The following TMEM161B variants were observed in gnomAD, a reference collection of about 807,000 sequenced individuals.
TMEM161B encodes transmembrane protein 161B.
A neutral mutation model predicts 61.8 loss-of-function variants in TMEM161B; 34 were observed. That is an observed-to-expected ratio of 0.55 (90% confidence interval 0.42 to 0.73). The LOEUF (loss-of-function observed/expected upper bound fraction) is 0.73. Among genes scored for constraint, TMEM161B ranks in the 30% least tolerant of loss-of-function variants. TMEM161B has a pLI of 0.00. For synonymous variants in TMEM161B, 167 were observed against 192.8 expected, an observed-to-expected ratio of 0.87 and a Z score of 1.11; for missense variants, 456 against 558.5, an observed-to-expected ratio of 0.82 and a Z score of 1.85.
intron 5 of TMEM161B, among the ~76,000 whole-genome samples, chr5:88,207,987 C>A (rs1234182132): frequency 6.6e-6 from 1 of 152,176 alleles, no homozygotes; most frequent in Non-Finnish European, 1.5e-5. Context: ...TTAATTCTCA[C>A]ACTAACCACA....
intron 1 of TMEM161B, among the ~76,000 whole-genome samples, chr5:88,248,726 A>C (rs572915725): frequency 3.3e-5 from 5 of 151,936 alleles, no homozygotes; most frequent in Non-Finnish European, 4.4e-5. Flanking sequence ...AAAAAAAAAA[A>C]AAAAACAACT....
intron 5 of TMEM161B, among the ~76,000 whole-genome samples, chr5:88,217,150 G>C (rs553629127): frequency 6.6e-6 from 1 of 152,140 alleles, no homozygotes; most frequent in Non-Finnish European, 1.5e-5. Flanking sequence ...TCAGCTACTC[G>C]GAGGGCTGGG....
At chr5:88,214,159 A>G (rs1447222083) in intron 5 of TMEM161B, among the ~76,000 whole-genome samples, 1 of 152,208 alleles carries the variant, frequency 6.6e-6, no homozygotes, top group Non-Finnish European at 1.5e-5. Flanking sequence ...AACTTAAACT[A>G]GTCACAGCTT....
chr5:88,261,897 AGGC>A lies in TMEM161B; in HGVS notation c.3+6821_3+6823del, dbSNP rs1431466016. On this transcript the variant is annotated intron_variant, in intron 1 of 11. Coordinates refer to ENST00000296595, the MANE Select transcript of TMEM161B (RefSeq NM_153354.5). ...AACAACTTTTTAGACACAAAACCAA[AGGC>A]ATGATCCATGAAAGAAAGAGCTGAT... is the stretch of plus-strand genomic sequence containing the variant. Among the ~76,000 whole-genome samples, 5 of 152,288 alleles carry A rather than the reference AGGC, an allele frequency of 3.3e-5. No individual in the cohort carries two copies. The East Asian group carries it at 7.7e-4, about 23-fold the overall frequency.
chr5:88,204,712 G>A (rs559426756), intron 8 of TMEM161B, among the ~76,000 whole-genome samples: 1 of 151,818 alleles, frequency 6.6e-6, no homozygotes, highest in African/African-American at 2.4e-5. Context: ...CGGGTGGTGG[G>A]AGAAAGACGG....
intron 2 of TMEM161B, among the ~76,000 whole-genome samples, chr5:88,237,384 C>A (rs1752026809): frequency 6.6e-6 from 1 of 152,062 alleles, no homozygotes; most frequent in Non-Finnish European, 1.5e-5. Flanking sequence ...TAGCAGGGGA[C>A]TCCAAGGTAG....
At chr5:88,253,183 T>C (rs1580706791) in intron 1 of TMEM161B, among the ~76,000 whole-genome samples, 2 of 152,200 alleles carry the variant, frequency 1.3e-5, no homozygotes, top group South Asian at 4.1e-4. Flanking sequence ...TCTTTGGATA[T>C]GTAAATACCA....
At chr5:88,261,202 A>G (rs1274398014) in intron 1 of TMEM161B, among the ~76,000 whole-genome samples, 2 of 152,200 alleles carry the variant, frequency 1.3e-5, no homozygotes, top group Non-Finnish European at 2.9e-5. Flanking sequence ...ATACTTTGGT[A>G]TAAATCTAAT....
chr5:88,251,868 G>A (rs1388553923), intron 1 of TMEM161B, among the ~76,000 whole-genome samples: 1 of 152,094 alleles, frequency 6.6e-6, no homozygotes, highest in Non-Finnish European at 1.5e-5. Flanking sequence ...GCACAAAGAT[G>A]TTTGTGTTCA....
At chr5:88,259,960 A>T (rs1235622391) in intron 1 of TMEM161B, among the ~76,000 whole-genome samples, 1 of 152,182 alleles carries the variant, frequency 6.6e-6, no homozygotes, top group East Asian at 1.9e-4. Flanking sequence ...TAAAAGTCAA[A>T]TTCTGTCATC....
downstream of TMEM161B, among the ~76,000 whole-genome samples, chr5:88,188,829 G>A (rs549301071): frequency 2.0e-5 from 3 of 152,214 alleles, no homozygotes; most frequent in African/African-American, 7.2e-5. Context: ...TTAGAGTTGG[G>A]GGGGGTGGTT....
intron 5 of TMEM161B, among the ~76,000 whole-genome samples, chr5:88,215,087 T>G (rs1747576129): frequency 6.6e-6 from 1 of 152,222 alleles, no homozygotes; most frequent in Non-Finnish European, 1.5e-5. Flanking sequence ...AATACTTTGC[T>G]TCCTTTTAAG....
intron 2 of TMEM161B, among the ~76,000 whole-genome samples, chr5:88,236,311 G>GA (rs1368643633): frequency 1.3e-5 from 2 of 151,992 alleles, no homozygotes; most frequent in African/African-American, 4.8e-5. Flanking sequence ...TGAGCAATTA[G>GA]AAAAAACAGA....
chr5:88,256,275 AAT>A (rs1268776150), intron 1 of TMEM161B, among the ~76,000 whole-genome samples: 1 of 152,204 alleles, frequency 6.6e-6, no homozygotes, highest in Admixed American at 6.5e-5. Context: ...CAAGGAACAA[AAT>A]ATTCTTAAAC....
chr5:88,224,110 C>G (rs1021905911), intron 4 of TMEM161B, among the ~76,000 whole-genome samples: 1 of 152,034 alleles, frequency 6.6e-6, no homozygotes, highest in African/African-American at 2.4e-5. Context: ...TATGATTTAA[C>G]CCAAGAAGGG....
At chr5:88,267,852 A>G (rs1756606891) in intron 1 of TMEM161B, among the ~76,000 whole-genome samples, 1 of 152,174 alleles carries the variant, frequency 6.6e-6, no homozygotes, top group Non-Finnish European at 1.5e-5. Flanking sequence ...CAATCGGAAC[A>G]AAATACTTAT....
At chr5:88,204,371 T>C (rs1745039468) in intron 8 of TMEM161B, among the ~76,000 whole-genome samples, 2 of 152,260 alleles carry the variant, frequency 1.3e-5, no homozygotes, top group African/African-American at 2.4e-5. Flanking sequence ...TGAAGCCACA[T>C]TTTACTAAAA....
At chr5:88,213,284 A>C (rs2112471598) in intron 5 of TMEM161B, among the ~76,000 whole-genome samples, 1 of 152,266 alleles carries the variant, frequency 6.6e-6, no homozygotes, top group African/African-American at 2.4e-5. Flanking sequence ...CTTAAAAATA[A>C]TCTGATCCTA....
intron 10 of TMEM161B, 75 bp from the exon 11 acceptor site, chr5:88,197,840 C>A: frequency 8.0e-7 from 1 of 1,243,160 alleles, no homozygotes; most frequent in South Asian, 1.4e-5. Flanking sequence ...ATATAATTGC[C>A]ATACCAAAAT....
Sources: gnomAD v4.1 joint callset for allele counts (sites outside exome capture counted in the v4.1 genomes callset) on GRCh38, gnomAD v4.1.1 for gene constraint, MANE v1.5 for transcripts, NCBI Gene and HGNC (gene_info 2026-07-23, HGNC 2026-07-21) for gene names.